Variants in NANOS3 observed in about 807,000 individuals in gnomAD.
The protein encoded by NANOS3 is nanos homolog 3.
NANOS3 carries 11 observed loss-of-function variants against 13.8 expected under a neutral mutation model. The ratio of observed to expected loss-of-function variants is 0.80; its 90% CI spans 0.50 to 1.32. The LOEUF (loss-of-function observed/expected upper bound fraction) is 1.32, where lower values mean the gene tolerates loss of function less well. Among genes scored for constraint, NANOS3 ranks in the 40% most tolerant of loss-of-function variants. The pLI, the probability that NANOS3 is intolerant of heterozygous loss-of-function variation, is 0.00. For synonymous variants in NANOS3, 119 were observed against 115.4 expected, an observed-to-expected ratio of 1.03 and a Z score of -0.20; for missense variants, 221 against 263.8, an observed-to-expected ratio of 0.84 and a Z score of 1.12.
intron 1 of NANOS3, among the ~76,000 whole-genome samples, chr19:13,866,168 G>A (rs1976236823): frequency 6.6e-6 from 1 of 152,132 alleles, no homozygotes; most frequent in Non-Finnish European, 1.5e-5. Context: ...CTCCAAAACT[G>A]GCCATAAAAA....
rs77411031 is a variant in NANOS3 at position 13,880,617 on chromosome 19, C to G, written c.*114C>G. 5,158 of 889,282 alleles carry G rather than the reference C, an allele frequency of 5.8e-3. 157 individuals are homozygous for G. The African/African-American group carries it at 0.069, about 12-fold the overall frequency. 55.1% of individuals were successfully genotyped at this position (889,282 alleles called of 1,614,324 possible). ...CCTCCCCCCAGCCTGGGATTGAGCC[C>G]TGGGGATGACCCGGGGTTGGCAAGG... is the stretch of plus-strand genomic sequence containing the variant. On this transcript the variant is annotated 3_prime_UTR_variant, in exon 2 of 2. Coordinates refer to ENST00000339133, the MANE Select transcript of NANOS3 (RefSeq NM_001098622.3).
chr19:13,874,061 C>T (rs1011229803), upstream of NANOS3, among the ~76,000 whole-genome samples: 5 of 152,138 alleles, frequency 3.3e-5, no homozygotes, highest in Non-Finnish European at 5.9e-5. Context: ...CCGGAAGTGC[C>T]CGAGTTCAGA....
chr19:13,872,901 T>G (rs937175486), upstream of NANOS3, among the ~76,000 whole-genome samples: 4 of 144,974 alleles, frequency 2.8e-5, no homozygotes, highest in East Asian at 8.2e-4. Context: ...CTCTAGAAGG[T>G]GCCGGGAGGC....
At chr19:13,873,410 T>C (rs1374673744), upstream of NANOS3, among the ~76,000 whole-genome samples, 1 of 151,816 alleles carries the variant, frequency 6.6e-6, no homozygotes, top group Non-Finnish European at 1.5e-5. Flanking sequence ...CTTGGGGTTA[T>C]GCCAGGCGGT....
chr19:13,869,368 G>C (rs34274824), intron 1 of NANOS3, among the ~76,000 whole-genome samples: 1 of 151,982 alleles, frequency 6.6e-6, no homozygotes, highest in Non-Finnish European at 1.5e-5. Context: ...TCCTGGAGAA[G>C]CCAGAACCTT....
intron 1 of NANOS3, among the ~76,000 whole-genome samples, chr19:13,878,779 G>A (rs1450200119): frequency 6.7e-6 from 1 of 148,688 alleles, no homozygotes; most frequent in Non-Finnish European, 1.5e-5. Context: ...CATTCCTGGT[G>A]TGTTTTTTTT....
At chr19:13,871,478 C>T (rs1460263696) in intron 1 of NANOS3, among the ~76,000 whole-genome samples, 2 of 152,234 alleles carry the variant, frequency 1.3e-5, no homozygotes, top group Admixed American at 6.5e-5. Context: ...CCAGCCCCAG[C>T]TTCCTGGCCT....
upstream of NANOS3, among the ~76,000 whole-genome samples, chr19:13,876,390 C>A (rs1235339955): frequency 6.6e-6 from 1 of 152,100 alleles, no homozygotes; most frequent in African/African-American, 2.4e-5. Context: ...GAACTCTTGA[C>A]CTCAGGTGAT....
At chr19:13,868,862 G>A (rs1976282044) in intron 1 of NANOS3, among the ~76,000 whole-genome samples, 1 of 151,774 alleles carries the variant, frequency 6.6e-6, no homozygotes, top group Non-Finnish European at 1.5e-5. Flanking sequence ...CACACAATTA[G>A]CCTGATATAC....
chr19:13,875,796 T>G (rs1394044332), upstream of NANOS3, among the ~76,000 whole-genome samples: 1 of 152,194 alleles, frequency 6.6e-6, no homozygotes, highest in Non-Finnish European at 1.5e-5. Context: ...GCAATCCTCC[T>G]CGGCCTCTCA....
rs542026912 is a variant in NANOS3, at chr19:13,871,854, A to C, written n.22-5814A>C. The stretch of plus-strand genomic sequence containing the variant: ...TTTTTTATTTGTTTGTTTTTGTTTT[A>C]AGTTAGCCAGGCCAGGCACCTGTGA... On this transcript the variant is annotated intron_variant and non_coding_transcript_variant, in intron 1 of 2. Transcript: ENST00000591161. Among the ~76,000 whole-genome samples, 8 of 151,864 alleles carry C rather than the reference A, an allele frequency of 5.3e-5. No homozygotes were observed. The East Asian group carries it at 1.6e-3, about 30-fold the overall frequency.
chr19:13,862,355 G>A (rs920403820), upstream of NANOS3, among the ~76,000 whole-genome samples: 1 of 151,598 alleles, frequency 6.6e-6, no homozygotes, highest in Non-Finnish European at 1.5e-5. Context: ...GGAGGAGGGG[G>A]AGGAGACTGC....
At chr19:13,879,095 A>G (rs10415565) in intron 1 of NANOS3, among the ~76,000 whole-genome samples, 54,063 of 151,774 alleles carry the variant, frequency 0.36, 13,339 homozygotes, top group African/African-American at 0.71. Context: ...ACCCACCACC[A>G]CGCACGGCTA....
intron 1 of NANOS3, among the ~76,000 whole-genome samples, chr19:13,878,654 A>G (rs1213142236): frequency 6.9e-6 from 1 of 144,412 alleles, no homozygotes; most frequent in Non-Finnish European, 1.5e-5. Context: ...CTATCCACCC[A>G]GGCTGGATGG....
rs558381103 is a variant in NANOS3, at chr19:13,879,631, C to T, written c.518-811C>T. Among the ~76,000 whole-genome samples the T allele has an allele frequency of 2.4e-4, 36 of 151,630 alleles. No individual in the cohort carries two copies. In the East Asian group the frequency reaches 4.5e-3, roughly 19 times the overall value. ...TAGTCCCAGCTACTTGGGAGGCTGA[C>T]GAGGGAGGATCGCTTGGGTCCAGGG... On this transcript the variant is annotated intron_variant, in intron 1 of 1. Transcript: ENST00000339133.
intron 1 of NANOS3, 132 bp downstream of exon 1, chr19:13,877,897 G>A (rs1394411753): frequency 7.1e-7 from 1 of 1,411,358 alleles, no homozygotes; most frequent in Non-Finnish European, 9.3e-7. Context: ...AACAGCAGTT[G>A]ATTTTATTTA....
upstream of NANOS3, among the ~76,000 whole-genome samples, chr19:13,864,586 C>T (rs921869840): frequency 3.3e-5 from 5 of 151,938 alleles, no homozygotes; most frequent in African/African-American, 7.3e-5. Context: ...GTGTGTGTCA[C>T]GGTGCTCCTG....
chr19:13,872,527 C>A (rs1045979392), upstream of NANOS3, among the ~76,000 whole-genome samples: 3 of 152,150 alleles, frequency 2.0e-5, no homozygotes, highest in African/African-American at 7.2e-5. Context: ...CCTTCCCAGT[C>A]CACAAAATGG....
chr19:13,873,613 ACTACAGG>A (rs1174833172), upstream of NANOS3, among the ~76,000 whole-genome samples: 1 of 151,876 alleles, frequency 6.6e-6, no homozygotes, highest in Non-Finnish European at 1.5e-5. Flanking sequence ...AGTAGCTAAG[ACTACAGG>A]CTCACTACAC....
Sources: gnomAD v4.1 joint callset for allele counts (sites outside exome capture counted in the v4.1 genomes callset) on GRCh38, gnomAD v4.1.1 for gene constraint, MANE v1.5 for transcripts, NCBI Gene and HGNC (gene_info 2026-07-23, HGNC 2026-07-21) for gene names.